MELTF: variants seen among roughly 807,000 people sequenced by gnomAD.
MELTF encodes the protein melanotransferrin.
MELTF carries 67 observed loss-of-function variants against 83.7 expected under a neutral mutation model. That is an observed-to-expected ratio of 0.80 (90% CI 0.66 to 0.98). MELTF has a LOEUF of 0.98. MELTF is among the 50% of genes least tolerant of loss of function. The probability of loss-of-function intolerance (pLI) is 0.00; values close to 1 mark genes in which losing one functional copy is unlikely to be tolerated. For synonymous variants in MELTF, 462 were observed against 447.6 expected, an observed-to-expected ratio of 1.03 and a Z score of -0.41; for missense variants, 1,002 against 1,035.6, an observed-to-expected ratio of 0.97 and a Z score of 0.44.
rs1577925668 is a variant in MELTF, at chr3:197,006,643, G to A, written c.1844C>T (p.Ala615Val). Residue 615 changes from alanine to valine, a missense_variant, in exon 14 of 16, where the codon GCA (alanine) becomes GTA (valine). Transcript: ENST00000296350. This position sits in a 1 kb window ranked among gnomAD's most constrained non-coding sequence, Gnocchi z 5.4. Reference protein sequence around the residue: ...NGARAEVSQFAACNLAQIPPH... With the variant: ...NGARAEVSQFVACNLAQIPPH... ...TGGTATCTGTGCCAGGTTGCAGGCT[G>A]CAAACTGGGACACCTCGGCTCGGGC... is the stretch of plus-strand genomic sequence containing the variant. 1 of 1,610,600 alleles carries A rather than the reference G, an allele frequency of 6.2e-7. No homozygotes were observed. Among genetic ancestry groups the A allele is most frequent in the Non-Finnish European group, 8.5e-7 (1 of 1,178,302 alleles).
At chr3:197,005,342 C>T (rs1718938273) in intron 14 of MELTF, among the ~76,000 whole-genome samples, 1 of 152,202 alleles carries the variant, frequency 6.6e-6, no homozygotes, top group South Asian at 2.1e-4. Flanking sequence ...CAACTTTGGA[C>T]TTGATCCATT....
chr3:197,029,141 T>A lies in MELTF; in HGVS notation c.49+513A>T, dbSNP rs1185328507. 2 of 152,028 alleles carry A rather than the reference T, an allele frequency of 1.3e-5. No individual in the cohort carries two copies. Among genetic ancestry groups the A allele is most frequent in the Admixed American group, 6.5e-5 (1 of 15,282 alleles). The allele number at this position is 152,028 out of a possible 1,614,324, so 9.4% of individuals were successfully genotyped here. On this transcript the variant is annotated intron_variant, in intron 1 of 15. Coordinates refer to ENST00000296350, the MANE Select transcript of MELTF (RefSeq NM_005929.6). This position sits in a 1 kb window ranked among gnomAD's most constrained non-coding sequence, Gnocchi z 6.5. ...CGAGGTCCCGCCTCCCGTCCCACCATCCCGGGCCCTGACTCCCCGGGGCGC... is the reference window on the plus strand; with the variant it reads ...CGAGGTCCCGCCTCCCGTCCCACCAACCCGGGCCCTGACTCCCCGGGGCGC...
Position 197,003,694 on chromosome 3 carries a change from C to T in MELTF, c.2137+207G>A. On this transcript the variant is annotated intron_variant, in intron 15 of 15. Coordinates refer to ENST00000296350, the MANE Select transcript of MELTF (RefSeq NM_005929.6). The surrounding 1 kb of genome is among the most constrained non-coding windows in gnomAD (Gnocchi z 6.2). ...CGTTTTGAGCGTTCACACTCATTAC[C>T]CAGGTCCGTCTGGGAGACCCGCCGG... 1.5e-6 allele frequency: 1 copy of T among 683,452 alleles called. No individual in the cohort carries two copies. Among genetic ancestry groups the T allele is most frequent in the East Asian group, 2.7e-5 (1 of 36,500 alleles). 42.3% of individuals were successfully genotyped at this position (683,452 alleles called of 1,614,324 possible).
Position 197,025,204 on chromosome 3 carries a change from C to A in MELTF, c.305-719G>T, listed in dbSNP as rs1184126877. On this transcript the variant is annotated intron_variant, in intron 3 of 15. Transcript: ENST00000296350. ...GGGTCTCCCATCGCACGGGCGCACA[C>A]ACGCAGGCATGCACGCGTGCACAAA... Among the ~76,000 whole-genome samples, 5 of 152,388 alleles carry A rather than the reference C, an allele frequency of 3.3e-5. No homozygotes were observed. In the East Asian group the frequency reaches 7.7e-4, roughly 23 times the overall value.
chr3:197,015,527 G>A lies in MELTF; in HGVS notation c.1082-11C>T, dbSNP rs764699777. 4.0e-5 allele frequency: 64 copies of A among 1,605,076 alleles called. No individual in the cohort carries two copies. Among genetic ancestry groups the A allele is most frequent in the Non-Finnish European group, 5.4e-5 (63 of 1,174,918 alleles). Reference sequence around the variant, plus strand: ...GGTAGGGGGGCAGCCCTGGGGTGGGGCAAGCAAGCGGTCACTGCCAGGCCA... The same window carrying A: ...GGTAGGGGGGCAGCCCTGGGGTGGGACAAGCAAGCGGTCACTGCCAGGCCA... On this transcript the variant is annotated splice_polypyrimidine_tract_variant and intron_variant, in intron 8 of 15. Transcript: ENST00000296350.
intron 6 of MELTF, among the ~76,000 whole-genome samples, chr3:197,017,864 G>A (rs552529232): frequency 1.6e-4 from 24 of 152,148 alleles, no homozygotes; most frequent in African/African-American, 2.9e-4. Flanking sequence ...GCGACAGAGC[G>A]AAACTCTGTC....
chr3:197,026,829 C>A, intron 2 of MELTF, 70 bp from the exon 3 acceptor site: 1 of 1,444,446 alleles, frequency 6.9e-7, no homozygotes, highest in Non-Finnish European at 9.6e-7. Flanking sequence ...GGGACACCTA[C>A]CAGATGGCCT....
At position 197,029,645 on chromosome 3, in the gene MELTF, G is replaced by A. The variant is rs1237772005; in HGVS notation, c.49+9C>T. On this transcript the variant is annotated intron_variant, in intron 1 of 15. Transcript: ENST00000296350. This position sits in a 1 kb window ranked among gnomAD's most constrained non-coding sequence, Gnocchi z 6.5. ...CCGCCCGCCTTTGGCTCTCACAGCG[G>A]GGCCTCACCGGTGCGCAGAGCCAGG... The A allele has an allele frequency of 2.4e-6, 3 of 1,244,184 alleles. No homozygotes were observed. The highest frequency in any genetic ancestry group is 3.7e-5 in the South Asian group (1 of 26,930). The allele number at this position is 1,244,184 out of a possible 1,614,324, so 77.1% of individuals were successfully genotyped here. A position where few individuals can be genotyped will look rare whatever the true frequency, so the allele number is the denominator to read the frequency against.
chr3:197,006,596 G>T lies in MELTF; in HGVS notation c.1891C>A (p.Pro631Thr), dbSNP rs775254002. Residue 631 changes from proline to threonine, a missense_variant, in exon 14 of 16, where the codon CCC (proline) becomes ACC (threonine). By Grantham distance (38) the Pro-to-Thr change is conservative. Coordinates refer to ENST00000296350, the MANE Select transcript of MELTF (RefSeq NM_005929.6). The surrounding 1 kb of genome is among the most constrained non-coding windows in gnomAD (Gnocchi z 5.4). ...TACACGGTGAAGATGTTGGTGTCGG[G>T]CCGGACCATCACGGCGTGGGGTGGT... Reference protein sequence around the residue: ...QIPPHAVMVRPDTNIFTVYGL... With the variant: ...QIPPHAVMVRTDTNIFTVYGL... 4.3e-6 allele frequency: 7 copies of T among 1,613,072 alleles called. No individual in the cohort carries two copies. The Admixed American group carries it at 1.2e-4, about 27-fold the overall frequency.
In MELTF at chr3:197,007,424, C is replaced by T. The variant is rs1719018530; in HGVS notation, c.1751-688G>A. 6.6e-6 allele frequency among the ~76,000 whole-genome samples: 1 copy of T among 152,214 alleles called. No homozygotes were observed. Among genetic ancestry groups the T allele is most frequent in the Non-Finnish European group, 1.5e-5 (1 of 68,044 alleles). On this transcript the variant is annotated intron_variant, in intron 13 of 15. Transcript: ENST00000296350. The surrounding 1 kb of genome is among the most constrained non-coding windows in gnomAD (Gnocchi z 4.3). ...CATCCTCCTCCCATTTCCAGGAAAT[C>T]CAGGTGGGCCTTGAGGAGAGCTAAA...
chr3:197,003,767 A>C lies in MELTF; in HGVS notation c.2137+134T>G. On this transcript the variant is annotated intron_variant, in intron 15 of 15. Coordinates refer to ENST00000296350, the MANE Select transcript of MELTF (RefSeq NM_005929.6). This position sits in a 1 kb window ranked among gnomAD's most constrained non-coding sequence, Gnocchi z 6.2. ...GCCTCCTGGCCAAAATCCTCCCGGG[A>C]CACCCCACCTGGACTGCTGCGAACG... The C allele has an allele frequency of 2.0e-5, 17 of 836,040 alleles. No individual in the cohort carries two copies. The highest frequency in any genetic ancestry group is 2.9e-5 in the Admixed American group (1 of 33,916). The allele number at this position is 836,040 out of a possible 1,614,324, so 51.8% of individuals were successfully genotyped here.
At chr3:197,019,431 T>C in intron 6 of MELTF, 3 of 1,392,492 alleles carry the variant, frequency 2.2e-6, no homozygotes, top group Non-Finnish European at 2.8e-6. Context: ...TCCCTTAGAT[T>C]GCCTCAGATT....
chr3:197,013,411 T>A (rs1719253489), intron 9 of MELTF, among the ~76,000 whole-genome samples: 1 of 152,046 alleles, frequency 6.6e-6, no homozygotes, highest in African/African-American at 2.4e-5. Context: ...CCCAAGACAA[T>A]AAAATTGCTG....
intron 6 of MELTF, among the ~76,000 whole-genome samples, chr3:197,017,607 G>T (rs1471548138): frequency 6.6e-6 from 1 of 152,236 alleles, no homozygotes; most frequent in African/African-American, 2.4e-5. Flanking sequence ...GCCGGGCGTG[G>T]TGGCTCACGC....
At chr3:197,020,154 C>T (rs772272158) in intron 6 of MELTF, among the ~76,000 whole-genome samples, 23 of 152,122 alleles carry the variant, frequency 1.5e-4, no homozygotes, top group South Asian at 2.1e-4. Flanking sequence ...ATAAAATAAC[C>T]GGCCTGATGC....
rs929071167 is a variant in MELTF, at chr3:197,027,880, G to T, written c.80C>A (p.Ala27Asp). The T allele has an allele frequency of 1.9e-6, 3 of 1,604,136 alleles. No individual in the cohort carries two copies. Among genetic ancestry groups the T allele is most frequent in the South Asian group, 1.1e-5 (1 of 90,412 alleles). ...VLGGMEVRWCATSDPEQHKCG... is the reference protein window; with the variant it reads ...VLGGMEVRWCDTSDPEQHKCG... ...CTTGTGCTGCTCTGGGTCCGAGGTG[G>T]CGCACCACCGCACCTCCATGCCACC... The change falls in exon 2 of 16, where the codon GCC becomes GAC. Residue 27 changes from alanine to aspartate, a missense_variant. Ala to Asp is a moderately radical substitution (Grantham distance 126). Coordinates refer to ENST00000296350, the MANE Select transcript of MELTF (RefSeq NM_005929.6).
At chr3:197,019,725 A>C in intron 6 of MELTF, 1 of 1,612,750 alleles carries the variant, frequency 6.2e-7, no homozygotes, top group Non-Finnish European at 8.5e-7. Flanking sequence ...GCATCGTCCT[A>C]CGTGCTTCCT....
At chr3:197,019,172 A>T (rs1719519962) in intron 6 of MELTF, 2 of 993,358 alleles carry the variant, frequency 2.0e-6, no homozygotes, top group Non-Finnish European at 2.4e-6. Context: ...TTAATGATTC[A>T]GTGTAGTCCT....
Position 197,029,815 on chromosome 3 carries a change from T to A in MELTF, c.-113A>T, listed in dbSNP as rs985120582. On this transcript the variant is annotated 5_prime_UTR_variant, in exon 1 of 16. Transcript: ENST00000296350. This position sits in a 1 kb window ranked among gnomAD's most constrained non-coding sequence, Gnocchi z 6.5. ...CTCGCGCTGGCCCGAGCTCCTTAAG[T>A]GCGGCCGCGAGTTCCCGGGCGGAAT... The A allele has an allele frequency of 1.3e-6, 1 of 744,368 alleles. No individual in the cohort carries two copies. The highest frequency in any genetic ancestry group is 1.8e-6 in the Non-Finnish European group (1 of 544,880). The allele number at this position is 744,368 out of a possible 1,614,324, so 46.1% of individuals were successfully genotyped here.
Sources: allele counts gnomAD v4.1 joint callset (sites outside exome capture counted in the v4.1 genomes callset), GRCh38; gene constraint gnomAD v4.1.1; non-coding constraint Gnocchi (gnomAD v3.1); transcripts MANE v1.5; gene names NCBI Gene and HGNC (gene_info 2026-07-23, HGNC 2026-07-21).